EYS: variants seen among roughly 807,000 people sequenced by gnomAD.
EYS encodes the protein protein eyes shut homolog.
Under a neutral mutation model 282.1 loss-of-function variants are expected in EYS, and 250 were observed. The observed-to-expected ratio is 0.89, with a 90% CI of 0.80 to 0.98. EYS has a LOEUF of 0.98. Among genes scored for constraint, EYS ranks in the 50% least tolerant of loss-of-function variants. The probability of loss-of-function intolerance (pLI) is 0.00; values close to 1 mark genes in which losing one functional copy is unlikely to be tolerated. For missense variants in EYS, 4,016 were observed against 3,709.0 expected, an observed-to-expected ratio of 1.08 and a Z score of -2.15; for synonymous variants, 1,355 against 1,282.9, an observed-to-expected ratio of 1.06 and a Z score of -1.20.
At chr6:63,933,269 G>A (rs188641887) in intron 35 of EYS, among the ~76,000 whole-genome samples, 2 of 152,148 alleles carry the variant, frequency 1.3e-5, no homozygotes, top group East Asian at 3.9e-4. Flanking sequence ...GTCTCACTCT[G>A]TCTCCCAGGC....
intron 12 of EYS, among the ~76,000 whole-genome samples, chr6:65,089,982 T>TACACACACACACACACAC (rs113762450): frequency 7.1e-6 from 1 of 141,272 alleles, no homozygotes; most frequent in African/African-American, 2.6e-5. Flanking sequence ...TATAAATAAA[T>TACACACACACACACACAC]ACACACACAC....
Position 64,638,898 on chromosome 6 carries a change from G to T in EYS, c.3444-12653C>A, listed in dbSNP as rs147703758. On this transcript the variant is annotated intron_variant, in intron 22 of 42. Transcript: ENST00000503581. ...ACTTGATGTGTTTAACAGTTCCTTG[G>T]TTGCTTTAGTAAATTCTTTCCTTGT... Among the ~76,000 whole-genome samples the T allele has an allele frequency of 4.4e-5, 4 of 90,220 alleles. 2 individuals carry two copies. The highest frequency in any genetic ancestry group is 9.4e-5 in the Non-Finnish European group (4 of 42,450). The allele number at this position is 90,220 out of a possible 152,430, so 59.2% of individuals were successfully genotyped here. A position where few individuals can be genotyped will look rare whatever the true frequency, so the allele number is the denominator to read the frequency against.
chr6:64,386,707 C>T (rs906970769), intron 29 of EYS, among the ~76,000 whole-genome samples: 1 of 152,156 alleles, frequency 6.6e-6, no homozygotes, highest in Non-Finnish European at 1.5e-5. Context: ...ATAAGCCAAC[C>T]TGGTCATTAA....
chr6:64,059,097 T>G (rs1359580107), intron 33 of EYS, among the ~76,000 whole-genome samples: 1 of 152,230 alleles, frequency 6.6e-6, no homozygotes, highest in Non-Finnish European at 1.5e-5. Flanking sequence ...CATGTTATTA[T>G]CTACACCTTG....
intron 13 of EYS, among the ~76,000 whole-genome samples, chr6:65,024,542 G>A (rs181979975): frequency 1.1e-4 from 16 of 152,216 alleles, no homozygotes; most frequent in Middle Eastern, 6.8e-3. Context: ...GAATTCATGC[G>A]TCACGAATGT....
chr6:63,753,919 T>A (rs184741753), intron 41 of EYS, among the ~76,000 whole-genome samples: 1 of 152,294 alleles, frequency 6.6e-6, no homozygotes. Flanking sequence ...GCTATCTCCT[T>A]CTCTCATGAG....
chr6:65,410,598 CTTT>C (rs375882636), intron 5 of EYS, among the ~76,000 whole-genome samples: 2 of 133,520 alleles, frequency 1.5e-5, no homozygotes, highest in Admixed American at 7.6e-5. Context: ...ATGATACTAG[CTTT>C]TTTTTTTTTT....
At chr6:64,849,218 A>G (rs1404678117) in intron 19 of EYS, among the ~76,000 whole-genome samples, 1 of 151,924 alleles carries the variant, frequency 6.6e-6, no homozygotes, top group Admixed American at 6.6e-5. Flanking sequence ...CCTGCTTTAC[A>G]GAATGTTCAT....
At chr6:63,891,668 C>T (rs1385088275) in intron 35 of EYS, among the ~76,000 whole-genome samples, 1 of 152,124 alleles carries the variant, frequency 6.6e-6, no homozygotes, top group African/African-American at 2.4e-5. Flanking sequence ...CCTTTGAAAA[C>T]CGGCACAAGA....
chr6:65,366,629 C>A (rs760680337), intron 8 of EYS, among the ~76,000 whole-genome samples: 14 of 151,556 alleles, frequency 9.2e-5, no homozygotes, highest in Non-Finnish European at 2.1e-4. Context: ...TTTCTTGAAG[C>A]CTTTGTGGAT....
intron 29 of EYS, among the ~76,000 whole-genome samples, chr6:64,330,423 A>T (rs927150454): frequency 6.6e-6 from 1 of 152,178 alleles, no homozygotes; most frequent in African/African-American, 2.4e-5. Context: ...GAGGGGGGAA[A>T]GAACCCCTCC....
At chr6:65,301,137 C>T (rs979849475) in intron 11 of EYS, among the ~76,000 whole-genome samples, 1 of 152,174 alleles carries the variant, frequency 6.6e-6, no homozygotes, top group African/African-American at 2.4e-5. Flanking sequence ...TCTAGTCTTT[C>T]CTGATGCTTT....
At chr6:65,029,325 A>G (rs1409608751) in intron 13 of EYS, among the ~76,000 whole-genome samples, 61 of 152,146 alleles carry the variant, frequency 4.0e-4, no homozygotes, top group Admixed American at 4.0e-3. Context: ...GCATACATAC[A>G]TACACATATG....
intron 15 of EYS, among the ~76,000 whole-genome samples, chr6:64,941,031 G>A (rs1769071459): frequency 6.6e-6 from 1 of 152,066 alleles, no homozygotes; most frequent in Admixed American, 6.6e-5. Context: ...TGATATACTT[G>A]ATTATGCATC....
chr6:64,354,987 T>C (rs990389816), intron 29 of EYS, among the ~76,000 whole-genome samples: 6 of 151,590 alleles, frequency 4.0e-5, no homozygotes, highest in African/African-American at 7.3e-5. Flanking sequence ...ATTGTTTCTG[T>C]AGCTGAATAC....
At chr6:63,834,186 C>G (rs745529876) in intron 36 of EYS, among the ~76,000 whole-genome samples, 6 of 152,106 alleles carry the variant, frequency 3.9e-5, no homozygotes, top group African/African-American at 7.2e-5. Context: ...AAAGCAATGG[C>G]AACAGAAGCA....
intron 12 of EYS, among the ~76,000 whole-genome samples, chr6:65,217,634 A>G (rs1256044076): frequency 6.6e-6 from 1 of 152,024 alleles, no homozygotes; most frequent in Non-Finnish European, 1.5e-5. Context: ...AGTTCTGTTG[A>G]CATATAGGAA....
chr6:65,170,491 G>A (rs1056920138), intron 12 of EYS, among the ~76,000 whole-genome samples: 1 of 151,466 alleles, frequency 6.6e-6, no homozygotes, highest in Non-Finnish European at 1.5e-5. Context: ...AGTCTAAGTG[G>A]TGATCTAAAT....
At chr6:65,395,023 G>A (rs941751825) in intron 7 of EYS, among the ~76,000 whole-genome samples, 2 of 151,500 alleles carry the variant, frequency 1.3e-5, no homozygotes, top group Admixed American at 6.6e-5. Context: ...CCTCTGACAT[G>A]TTATATCTTT....
Sources: allele counts gnomAD v4.1 joint callset (sites outside exome capture counted in the v4.1 genomes callset), GRCh38; gene constraint gnomAD v4.1.1; transcripts MANE v1.5; gene names NCBI Gene and HGNC (gene_info 2026-07-23, HGNC 2026-07-21).